Variants in CACNA2D3 observed in about 807,000 individuals in gnomAD.
CACNA2D3 encodes the protein voltage-dependent calcium channel subunit alpha-2/delta-3.
CACNA2D3 carries 60 observed loss-of-function variants against 160.6 expected under a neutral mutation model. The observed-to-expected ratio is 0.37, with a 90% confidence interval of 0.30 to 0.46. The LOEUF is 0.46. CACNA2D3 is among the 20% of genes least tolerant of loss of function. CACNA2D3 has a pLI of 1.00. For synonymous variants in CACNA2D3, 558 were observed against 492.9 expected, an observed-to-expected ratio of 1.13 and a Z score of -1.75; for missense variants, 1,205 against 1,365.0, an observed-to-expected ratio of 0.88 and a Z score of 1.85.
intron 27 of CACNA2D3, among the ~76,000 whole-genome samples, chr3:54,939,582 C>T (rs541824581): frequency 2.6e-5 from 4 of 152,280 alleles, no homozygotes; most frequent in East Asian, 3.9e-4. Context: ...GTGCTGGGGC[C>T]GGAGGTGGGG....
intron 2 of CACNA2D3, among the ~76,000 whole-genome samples, chr3:54,249,850 A>G (rs117948141): frequency 6.6e-6 from 1 of 151,790 alleles, no homozygotes; most frequent in East Asian, 1.9e-4. Context: ...CTAGATAACT[A>G]TAGACAACTC....
chr3:54,317,026 C>A (rs779904035), intron 2 of CACNA2D3, among the ~76,000 whole-genome samples: 1 of 152,114 alleles, frequency 6.6e-6, no homozygotes, highest in Non-Finnish European at 1.5e-5. Flanking sequence ...GCATTAGTTT[C>A]GTTTGTTTTA....
At chr3:54,454,145 A>G (rs1402361553) in intron 4 of CACNA2D3, among the ~76,000 whole-genome samples, 1 of 152,206 alleles carries the variant, frequency 6.6e-6, no homozygotes, top group Non-Finnish European at 1.5e-5. Context: ...TATATGTGGT[A>G]GCCCTAACTG....
intron 35 of CACNA2D3, among the ~76,000 whole-genome samples, chr3:55,020,990 G>A (rs1423265516): frequency 4.6e-5 from 7 of 152,110 alleles, no homozygotes; most frequent in Non-Finnish European, 8.8e-5. Flanking sequence ...TCCTATTAAG[G>A]TCATTTTATT....
At chr3:54,863,248 G>A (rs575190489) in intron 17 of CACNA2D3, among the ~76,000 whole-genome samples, 2 of 152,280 alleles carry the variant, frequency 1.3e-5, no homozygotes, top group South Asian at 4.1e-4. Flanking sequence ...GGTTTTGTTT[G>A]CCTCTAAGTG....
intron 2 of CACNA2D3, among the ~76,000 whole-genome samples, chr3:54,260,274 C>A (rs1336466913): frequency 6.6e-6 from 1 of 152,192 alleles, no homozygotes; most frequent in Non-Finnish European, 1.5e-5. Flanking sequence ...GGATGTGTCT[C>A]TGTCTTAATC....
rs186622892 is a variant in CACNA2D3 at position 54,522,361 on chromosome 3, G to A, written c.544+18707G>A. Among the ~76,000 whole-genome samples, 604 of 152,078 alleles carry A rather than the reference G, an allele frequency of 4.0e-3. 4 individuals are homozygous for A. Among genetic ancestry groups the A allele is most frequent in the African/African-American group, 0.014 (576 of 41,490 alleles). On this transcript the variant is annotated intron_variant, in intron 5 of 37. Coordinates refer to ENST00000474759, the MANE Select transcript of CACNA2D3 (RefSeq NM_018398.3). ...ATGGCAAGTGCATAGAAATACAATT[G>A]ATTTTTATGTATTTGTATTCTGCAA...
intron 13 of CACNA2D3, among the ~76,000 whole-genome samples, chr3:54,808,278 G>A (rs1288387276): frequency 1.3e-5 from 2 of 152,072 alleles, no homozygotes; most frequent in Non-Finnish European, 2.9e-5. Flanking sequence ...CTTATACTGA[G>A]CTGAAAGCCA....
intron 2 of CACNA2D3, among the ~76,000 whole-genome samples, chr3:54,258,252 T>C (rs1210489935): frequency 6.6e-6 from 1 of 152,182 alleles, no homozygotes; most frequent in African/African-American, 2.4e-5. Flanking sequence ...GAATTGATTA[T>C]GGAAAAAAGG....
chr3:54,819,648 C>A (rs926181905), intron 14 of CACNA2D3, among the ~76,000 whole-genome samples: 1 of 152,150 alleles, frequency 6.6e-6, no homozygotes, highest in African/African-American at 2.4e-5. Flanking sequence ...AGATCGAGAC[C>A]ATCCTGGCCA....
chr3:54,299,755 C>G (rs1211983804), intron 2 of CACNA2D3, among the ~76,000 whole-genome samples: 1 of 152,094 alleles, frequency 6.6e-6, no homozygotes, highest in South Asian at 2.1e-4. Context: ...AAAGGATTAA[C>G]AAAAGGAGAC....
chr3:54,152,426 C>T (rs1436763461), intron 2 of CACNA2D3, among the ~76,000 whole-genome samples: 1 of 152,216 alleles, frequency 6.6e-6, no homozygotes, highest in Non-Finnish European at 1.5e-5. Context: ...TTTGTCTTCT[C>T]TTCAAAATCT....
At chr3:54,939,069 A>G (rs1466466331) in intron 27 of CACNA2D3, among the ~76,000 whole-genome samples, 1 of 152,204 alleles carries the variant, frequency 6.6e-6, no homozygotes, top group Non-Finnish European at 1.5e-5. Context: ...ACTGTTATTT[A>G]GCAGTTTATT....
At chr3:54,131,978 T>C (rs563157905) in intron 2 of CACNA2D3, among the ~76,000 whole-genome samples, 54 of 108,258 alleles carry the variant, frequency 5.0e-4, no homozygotes, top group African/African-American at 1.6e-3. Context: ...GGAACAATAT[T>C]GTAAAAAGAA....
chr3:54,529,542 G>A (rs577809464), intron 5 of CACNA2D3, among the ~76,000 whole-genome samples: 1 of 152,126 alleles, frequency 6.6e-6, no homozygotes, highest in Admixed American at 6.5e-5. Context: ...TCTGGCCTTC[G>A]GTTTCCTTAC....
intron 4 of CACNA2D3, among the ~76,000 whole-genome samples, chr3:54,465,926 G>T (rs1575471809): frequency 6.6e-6 from 1 of 152,096 alleles, no homozygotes; most frequent in Non-Finnish European, 1.5e-5. Context: ...AGTTCATTGA[G>T]GCTGTTGGAA....
At chr3:54,912,455 A>G (rs1403651895) in intron 27 of CACNA2D3, among the ~76,000 whole-genome samples, 1 of 151,792 alleles carries the variant, frequency 6.6e-6, no homozygotes, top group African/African-American at 2.4e-5. Flanking sequence ...CCTTTTGCCC[A>G]CTCAACCACA....
intron 2 of CACNA2D3, among the ~76,000 whole-genome samples, chr3:54,240,216 TTTG>T (rs10586077): frequency 0.088 from 13,288 of 151,690 alleles, 1,349 homozygotes; most frequent in African/African-American, 0.24. Flanking sequence ...TAGGTGTATT[TTTG>T]TTGTTGTTGT....
At chr3:54,814,816 G>C (rs1386252928) in intron 13 of CACNA2D3, among the ~76,000 whole-genome samples, 1 of 151,958 alleles carries the variant, frequency 6.6e-6, no homozygotes, top group African/African-American at 2.4e-5. Context: ...AGATAAAATA[G>C]AGAGAGAGAG....
Sources: allele counts gnomAD v4.1 joint callset (sites outside exome capture counted in the v4.1 genomes callset), GRCh38; gene constraint gnomAD v4.1.1; transcripts MANE v1.5; gene names NCBI Gene and HGNC (gene_info 2026-07-23, HGNC 2026-07-21).